KCNG3: variants seen among roughly 807,000 people sequenced by gnomAD.
KCNG3 encodes potassium voltage-gated channel modifier subfamily G member 3.
Under a neutral mutation model 29.0 loss-of-function variants are expected in KCNG3, and 15 were observed. The observed-to-expected ratio is 0.52, with a 90% CI of 0.35 to 0.80. The LOEUF (loss-of-function observed/expected upper bound fraction) is 0.80, where lower values mean the gene tolerates loss of function less well. Among genes scored for constraint, KCNG3 ranks in the 30% least tolerant of loss-of-function variants. KCNG3 has a pLI of 0.01. For synonymous variants in KCNG3, 322 were observed against 248.9 expected, an observed-to-expected ratio of 1.29 and a Z score of -2.76; for missense variants, 512 against 605.7, an observed-to-expected ratio of 0.85 and a Z score of 1.62.
rs550483332 is a variant in KCNG3, at chr2:42,469,255, A to G, written c.665+23582T>C. On this transcript the variant is annotated intron_variant, in intron 1 of 1. Coordinates refer to ENST00000306078, the MANE Select transcript of KCNG3 (RefSeq NM_133329.6). The stretch of plus-strand genomic sequence containing the variant: ...AACATGGGGAAACCCCATCTCTACT[A>G]AAAATACAAAAATTAGCCAGGTGTG... Among the ~76,000 whole-genome samples the G allele has an allele frequency of 1.3e-3, 199 of 152,016 alleles. 1 individual carries two copies. Among genetic ancestry groups the G allele is most frequent in the African/African-American group, 4.7e-3 (193 of 41,444 alleles).
the KCNG3 span, among the ~76,000 whole-genome samples, chr2:42,392,682 T>C: frequency 2.0e-5 from 3 of 152,058 alleles, no homozygotes; most frequent in African/African-American, 7.2e-5. Flanking sequence ...GGAAGAAATG[T>C]AAATATATAT....
the KCNG3 span, among the ~76,000 whole-genome samples, chr2:42,420,561 AG>A: frequency 6.6e-6 from 1 of 152,122 alleles, no homozygotes. Flanking sequence ...AGGCCGAGGC[AG>A]GTGGATCACC....
intron 1 of KCNG3, among the ~76,000 whole-genome samples, chr2:42,464,446 T>A (rs1404783443): frequency 6.6e-6 from 1 of 152,174 alleles, no homozygotes; most frequent in Non-Finnish European, 1.5e-5. Context: ...ATAAGCTAAG[T>A]GTTTTAGTCT....
intron 1 of KCNG3, among the ~76,000 whole-genome samples, chr2:42,448,847 G>A (rs1242962931): frequency 2.6e-5 from 4 of 151,980 alleles, no homozygotes; most frequent in Non-Finnish European, 2.9e-5. Flanking sequence ...GCGCAGTGGC[G>A]GGTGCCTGTA....
intron 1 of KCNG3, among the ~76,000 whole-genome samples, chr2:42,474,642 T>C (rs1173709637): frequency 1.3e-5 from 2 of 152,214 alleles, no homozygotes; most frequent in Non-Finnish European, 2.9e-5. Context: ...AAAATTTACA[T>C]TGCTACTTCT....
chr2:42,469,327 G>T lies in KCNG3; in HGVS notation c.665+23510C>A, dbSNP rs139329145. ...AGCTACTCAGGAGGCCGAGGCAGAA[G>T]AATCGCTTGAACCCAAGAGGCGGAG... On this transcript the variant is annotated intron_variant, in intron 1 of 1. Coordinates refer to ENST00000306078, the MANE Select transcript of KCNG3 (RefSeq NM_133329.6). Among the ~76,000 whole-genome samples, 757 of 150,354 alleles carry T rather than the reference G, an allele frequency of 5.0e-3. 4 individuals carry two copies. The highest frequency in any genetic ancestry group is 7.2e-3 in the Non-Finnish European group (492 of 67,878).
chr2:42,456,663 A>C (rs1179919384), intron 1 of KCNG3, among the ~76,000 whole-genome samples: 1 of 152,198 alleles, frequency 6.6e-6, no homozygotes, highest in Non-Finnish European at 1.5e-5. Flanking sequence ...TAGAAGAGCA[A>C]TCACCATAAT....
At chr2:42,447,250 G>A (rs912301489) in intron 1 of KCNG3, among the ~76,000 whole-genome samples, 5 of 151,140 alleles carry the variant, frequency 3.3e-5, no homozygotes, top group African/African-American at 9.7e-5. Context: ...ACTTACATGT[G>A]TATATATATG....
chr2:42,436,744 T>C, the KCNG3 span, among the ~76,000 whole-genome samples: 15 of 152,360 alleles, frequency 9.8e-5, no homozygotes, highest in East Asian at 2.9e-3. Context: ...AAAACTTTTG[T>C]GAGGACCATA....
the KCNG3 span, among the ~76,000 whole-genome samples, chr2:42,428,500 T>TA: frequency 6.7e-6 from 1 of 149,552 alleles, no homozygotes; most frequent in Non-Finnish European, 1.5e-5. Flanking sequence ...GTTTGACAAT[T>TA]ACTGCACTCA....
At chr2:42,436,679 G>T in the KCNG3 span, among the ~76,000 whole-genome samples, 1 of 152,158 alleles carries the variant, frequency 6.6e-6, no homozygotes, top group Non-Finnish European at 1.5e-5. Flanking sequence ...GCAGAAAACA[G>T]CTAGAACAGG....
chr2:42,399,056 C>CTTTTTTTTTTTTTTTTT, the KCNG3 span, among the ~76,000 whole-genome samples: 3 of 107,632 alleles, frequency 2.8e-5, no homozygotes, highest in Admixed American at 9.7e-5. Context: ...TTTTTCTTTT[C>CTTTTTTTTTTTTTTTTT]TTTTTTTTTT....
At chr2:42,477,191 C>CA (rs1385864024) in intron 1 of KCNG3, among the ~76,000 whole-genome samples, 250 of 70,468 alleles carry the variant, frequency 3.5e-3, no homozygotes, top group South Asian at 8.6e-3. Context: ...GACTCTGTTT[C>CA]AAAAAAAAAA....
At chr2:42,395,261 G>C in the KCNG3 span, among the ~76,000 whole-genome samples, 1 of 152,148 alleles carries the variant, frequency 6.6e-6, no homozygotes, top group Non-Finnish European at 1.5e-5. Flanking sequence ...CATGATTTAG[G>C]CAGTTCCAAG....
the KCNG3 span, among the ~76,000 whole-genome samples, chr2:42,421,524 T>G: frequency 3.9e-5 from 6 of 152,230 alleles, no homozygotes; most frequent in Admixed American, 2.0e-4. Flanking sequence ...TTTATTTATT[T>G]TTTCTTAATG....
downstream of KCNG3, among the ~76,000 whole-genome samples, chr2:42,437,755 T>C (rs917527776): frequency 1.8e-4 from 27 of 151,930 alleles, no homozygotes; most frequent in African/African-American, 6.5e-4. Flanking sequence ...CCGGCCAACA[T>C]GGCAAAACCC....
At position 42,443,054 on chromosome 2, in the gene KCNG3, G is replaced by A. The variant is rs555538705; in HGVS notation, c.*880C>T. 3.3e-5 allele frequency: 5 copies of A among 152,268 alleles called. No individual in the cohort carries two copies. In the East Asian group the frequency reaches 9.6e-4, roughly 29 times the overall value. The allele number at this position is 152,268 out of a possible 1,614,324, so 9.4% of individuals were successfully genotyped here. A position where few individuals can be genotyped will look rare whatever the true frequency, so the allele number is the denominator to read the frequency against. On this transcript the variant is annotated 3_prime_UTR_variant, in exon 2 of 2. Transcript: ENST00000306078. Reference sequence around the variant, plus strand: ...CTTATTAAACCTCTAGTGTTTGGGGGAGGAGGTTAAGAGAAGAAGAGGTTG... The same window carrying A: ...CTTATTAAACCTCTAGTGTTTGGGGAAGGAGGTTAAGAGAAGAAGAGGTTG...
chr2:42,490,338 G>A (rs1673841163), intron 1 of KCNG3, among the ~76,000 whole-genome samples: 1 of 152,112 alleles, frequency 6.6e-6, no homozygotes, highest in Non-Finnish European at 1.5e-5. Flanking sequence ...CACTTTGGAA[G>A]GCCGACACGG....
At chr2:42,476,781 T>C (rs888378121) in intron 1 of KCNG3, among the ~76,000 whole-genome samples, 4 of 150,010 alleles carry the variant, frequency 2.7e-5, no homozygotes, top group African/African-American at 7.3e-5. Flanking sequence ...TGAGCCACCA[T>C]GCCCGGACAA....
Sources: allele counts gnomAD v4.1 joint callset (sites outside exome capture counted in the v4.1 genomes callset), GRCh38; gene constraint gnomAD v4.1.1; transcripts MANE v1.5; gene names NCBI Gene and HGNC (gene_info 2026-07-23, HGNC 2026-07-21).